Variants in STX6 observed in about 807,000 individuals in gnomAD.
STX6 encodes syntaxin 6.
In STX6, 23 loss-of-function variants were observed where a neutral mutation model predicts 38.0. The ratio of observed to expected loss-of-function variants is 0.60; its 90% CI spans 0.43 to 0.86. STX6 has a LOEUF of 0.86. Ranked by LOEUF, STX6 falls within the 40% of genes least tolerant of loss-of-function variation. The pLI is 0.00. For missense variants in STX6, 274 were observed against 312.9 expected (o/e 0.88, Z 0.94); for synonymous variants, 123 against 107.5 (o/e 1.14, Z -0.89).
chr1:181,007,788 T>G (rs575446636), intron 1 of STX6, among the ~76,000 whole-genome samples: 1 of 152,328 alleles, frequency 6.6e-6, no homozygotes, highest in Non-Finnish European at 1.5e-5. Flanking sequence ...TTTACTATAT[T>G]AGGAATTCAA....
Position 180,989,996 on chromosome 1 carries a change from C to T in STX6, c.477G>A (p.Gln159=), listed in dbSNP as rs774790629. 3 of 1,613,752 alleles carry T rather than the reference C, an allele frequency of 1.9e-6. No homozygotes were observed. In the East Asian group the frequency reaches 6.7e-5, roughly 36 times the overall value. ...RANSHFIEEQ[Q]AQQQLIVEQQ... ...GTCCTTGGGGTACCTGCTGCTGTGC[C>T]TGCTGCTCCTCAATGAAATGAGAAT... is the stretch of plus-strand genomic sequence containing the variant. The change falls in exon 5 of 8, where the codon CAG becomes CAA. Residue 159 remains glutamine, a synonymous_variant. Transcript: ENST00000258301.
At position 180,987,231 on chromosome 1, in the gene STX6, A is replaced by G. The variant is rs556821724; in HGVS notation, c.596+1008T>C. Among the ~76,000 whole-genome samples the G allele has an allele frequency of 2.0e-5, 3 of 152,116 alleles. 1 individual carries two copies. The highest frequency in any genetic ancestry group is 7.2e-5 in the African/African-American group (3 of 41,494). On this transcript the variant is annotated intron_variant, in intron 6 of 7. Transcript: ENST00000258301. ...TACACACCCCACACCACCTGCCTCC[A>G]CACCAACTCTCACCTCACCTGGCTA...
chr1:181,016,646 C>T (rs549208084), intron 1 of STX6, among the ~76,000 whole-genome samples: 6 of 152,142 alleles, frequency 3.9e-5, no homozygotes, highest in Admixed American at 1.3e-4. Context: ...TGCGTGATGC[C>T]CTCGAGGAGC....
At chr1:181,015,246 C>A (rs1041306732) in intron 1 of STX6, among the ~76,000 whole-genome samples, 4 of 152,210 alleles carry the variant, frequency 2.6e-5, no homozygotes, top group African/African-American at 9.6e-5. Flanking sequence ...AGGCTTAATT[C>A]CTATATTTTT....
chr1:181,005,255 A>G (rs1324123128), intron 2 of STX6, 39 bp downstream of exon 2: 8 of 1,580,078 alleles, frequency 5.1e-6, no homozygotes, highest in Admixed American at 3.6e-5. Context: ...CCATTTGTCT[A>G]TTTATCCCGA....
At chr1:181,018,727 AC>A (rs1656640276) in intron 1 of STX6, among the ~76,000 whole-genome samples, 1 of 152,222 alleles carries the variant, frequency 6.6e-6, no homozygotes, top group Admixed American at 6.5e-5. Flanking sequence ...TGTATAAGTT[AC>A]AACAGCTTTC....
At chr1:180,998,949 C>T (rs1194833441) in intron 3 of STX6, among the ~76,000 whole-genome samples, 1 of 152,174 alleles carries the variant, frequency 6.6e-6, no homozygotes, top group African/African-American at 2.4e-5. Flanking sequence ...TGCTTCTGTT[C>T]CCATTTCACA....
At chr1:181,002,773 C>A in intron 2 of STX6, 73 bp from the exon 3 acceptor site, 1 of 999,416 alleles carries the variant, frequency 1.0e-6, no homozygotes, top group South Asian at 1.4e-5. Flanking sequence ...CACTGAATCT[C>A]TCACATGCAA....
chr1:180,984,075 A>C (rs1165466980), intron 7 of STX6, among the ~76,000 whole-genome samples: 10 of 147,782 alleles, frequency 6.8e-5, no homozygotes, highest in African/African-American at 2.5e-4. Context: ...AAAAAAAAAA[A>C]AAAAAAAAAA....
At position 181,013,712 on chromosome 1, in the gene STX6, G is replaced by A. The variant is rs530836479; in HGVS notation, c.36-8249C>T. On this transcript the variant is annotated intron_variant, in intron 1 of 7. Transcript: ENST00000258301. ...TAAAACAACCATTTATCATGTCATG[G>A]AGTCTGTAGATCAGGAATCAGACAC... Among the ~76,000 whole-genome samples the A allele has an allele frequency of 2.6e-5, 4 of 152,312 alleles. 1 individual carries two copies. The South Asian group carries it at 8.3e-4, about 32-fold the overall frequency.
At chr1:180,991,507 C>T (rs904048717) in intron 4 of STX6, among the ~76,000 whole-genome samples, 6 of 152,314 alleles carry the variant, frequency 3.9e-5, no homozygotes, top group Middle Eastern at 6.8e-3. Context: ...CCACCAGGGC[C>T]TTGTGTGCTC....
intron 1 of STX6, among the ~76,000 whole-genome samples, chr1:181,006,493 T>C (rs1656227824): frequency 6.6e-6 from 1 of 151,628 alleles, no homozygotes; most frequent in African/African-American, 2.4e-5. Context: ...ATATCCACTA[T>C]TTAAATGTTA....
chr1:181,005,220 T>C (rs1475638000), intron 2 of STX6, 74 bp downstream of exon 2: 2 of 1,545,336 alleles, frequency 1.3e-6, no homozygotes, highest in Non-Finnish European at 1.7e-6. Flanking sequence ...ATCTACATAC[T>C]GGAAACAACT....
intron 1 of STX6, among the ~76,000 whole-genome samples, chr1:181,014,987 C>T (rs1656514950): frequency 6.6e-6 from 1 of 152,154 alleles, no homozygotes; most frequent in Non-Finnish European, 1.5e-5. Context: ...TTAACTTGTC[C>T]TCATTTTTGG....
chr1:181,014,650 C>T (rs1259165337), intron 1 of STX6, among the ~76,000 whole-genome samples: 1 of 152,166 alleles, frequency 6.6e-6, no homozygotes, highest in African/African-American at 2.4e-5. Flanking sequence ...GACTCCCACT[C>T]CTCACTCTTC....
At chr1:181,019,811 CT>C (rs1656673578) in intron 1 of STX6, among the ~76,000 whole-genome samples, 1 of 152,188 alleles carries the variant, frequency 6.6e-6, no homozygotes, top group South Asian at 2.1e-4. Context: ...TTAATGTAAA[CT>C]TGGTAACTGA....
intron 3 of STX6, among the ~76,000 whole-genome samples, chr1:180,999,995 C>T (rs115210322): frequency 0.012 from 1,902 of 152,236 alleles, 46 homozygotes; most frequent in African/African-American, 0.043. Flanking sequence ...TATTTTTAAT[C>T]GAGTTAGCAC....
chr1:180,983,788 G>A (rs1655480819), intron 7 of STX6, among the ~76,000 whole-genome samples: 2 of 152,120 alleles, frequency 1.3e-5, no homozygotes, highest in South Asian at 4.1e-4. Context: ...TACTGGGCTG[G>A]GCGCGGTGGC....
At chr1:181,011,196 C>T (rs957006422) in intron 1 of STX6, among the ~76,000 whole-genome samples, 1 of 152,108 alleles carries the variant, frequency 6.6e-6, no homozygotes, top group African/African-American at 2.4e-5. Context: ...GAAAGGTAAA[C>T]TAGTCGTTAT....
Sources: allele counts gnomAD v4.1 joint callset (sites outside exome capture counted in the v4.1 genomes callset), GRCh38; gene constraint gnomAD v4.1.1; transcripts MANE v1.5; gene names NCBI Gene and HGNC (gene_info 2026-07-23, HGNC 2026-07-21).